Variants in SAMD12 observed in about 807,000 individuals in gnomAD.
SAMD12 encodes sterile alpha motif domain containing 12, also known as sterile alpha motif domain-containing protein 12.
Under a neutral mutation model 15.0 loss-of-function variants are expected in SAMD12, and 9 were observed. The observed-to-expected ratio is 0.60, with a 90% CI of 0.36 to 1.05. The LOEUF is 1.05. Ranked by LOEUF, SAMD12 falls within the 50% of genes least tolerant of loss-of-function variation. The pLI is 0.01. For synonymous variants in SAMD12, 86 were observed against 90.1 expected (o/e 0.96, Z 0.25); for missense variants, 230 against 234.2 (o/e 0.98, Z 0.12).
chr8:118,423,641 T>C (rs13268421), intron 3 of SAMD12, among the ~76,000 whole-genome samples: 42,378 of 151,978 alleles, frequency 0.28, 6,694 homozygotes, highest in Non-Finnish European at 0.37. Flanking sequence ...ACATATAAGA[T>C]GTTATCCCTC....
chr8:118,491,069 C>A (rs1742969972), intron 2 of SAMD12, among the ~76,000 whole-genome samples: 1 of 152,116 alleles, frequency 6.6e-6, no homozygotes, highest in African/African-American at 2.4e-5. Context: ...ATGGAATGAA[C>A]ATGACTATAC....
chr8:118,247,937 AGGAAGCTTATTGGGG>A (rs1202678060), intron 4 of SAMD12, among the ~76,000 whole-genome samples: 3 of 152,140 alleles, frequency 2.0e-5, no homozygotes, highest in African/African-American at 7.2e-5. Context: ...TACTAGAAGC[AGGAAGCTTATTGGGG>A]GTATTAATTC....
At chr8:118,539,997 T>C (rs1451755549) in intron 2 of SAMD12, among the ~76,000 whole-genome samples, 1 of 152,184 alleles carries the variant, frequency 6.6e-6, no homozygotes, top group Non-Finnish European at 1.5e-5. Context: ...TGGAGTACTA[T>C]AGGATACCAC....
intron 2 of SAMD12, among the ~76,000 whole-genome samples, chr8:118,568,753 T>C (rs766634998): frequency 6.6e-6 from 1 of 152,184 alleles, no homozygotes; most frequent in Non-Finnish European, 1.5e-5. Context: ...GGAAAGCTTA[T>C]TGACTTGGGG....
At chr8:118,597,959 T>A (rs1827764703) in intron 1 of SAMD12, among the ~76,000 whole-genome samples, 1 of 152,216 alleles carries the variant, frequency 6.6e-6, no homozygotes. Flanking sequence ...GGCAGCATGC[T>A]GTACATAATT....
intron 2 of SAMD12, among the ~76,000 whole-genome samples, chr8:118,488,031 A>G (rs1391550756): frequency 6.6e-6 from 1 of 152,338 alleles, no homozygotes; most frequent in East Asian, 1.9e-4. Context: ...GCTTACTTCC[A>G]TAAGTATGTG....
intron 4 of SAMD12, among the ~76,000 whole-genome samples, chr8:118,310,154 A>T (rs570064691): frequency 6.6e-6 from 1 of 152,308 alleles, no homozygotes; most frequent in African/African-American, 2.4e-5. Context: ...GACTCTATTC[A>T]TCCTTCAACC....
In SAMD12 at chr8:118,209,823, C is replaced by T. The variant is rs897182151; in HGVS notation, c.434-12091G>A. On this transcript the variant is annotated intron_variant, in intron 4 of 4. Transcript: ENST00000409003. ...GTAATCTTGGACCAGTCAAATAAGG[C>T]CTTTACCTTGACATACTGTATCTAG... Among the ~76,000 whole-genome samples, 11 of 152,272 alleles carry T rather than the reference C, an allele frequency of 7.2e-5. No individual in the cohort carries two copies. The South Asian group carries it at 2.1e-3, about 29-fold the overall frequency.
At chr8:118,154,748 A>G in the SAMD12 span, among the ~76,000 whole-genome samples, 1 of 152,228 alleles carries the variant, frequency 6.6e-6, no homozygotes, top group Non-Finnish European at 1.5e-5. Flanking sequence ...CATTTGTGCA[A>G]TAGAAAATTA....
the SAMD12 span, among the ~76,000 whole-genome samples, chr8:118,167,764 A>C: frequency 6.6e-6 from 1 of 152,116 alleles, no homozygotes; most frequent in Non-Finnish European, 1.5e-5. Context: ...AGATATGCTA[A>C]GTCCTAACAT....
In SAMD12 at chr8:118,378,007, C is replaced by G. The variant is rs1819472570; in HGVS notation, c.*1410G>C. ...ACTTATCCCACAATCCAGAGAGATCCTTTATTAAAATGGTTGGCATATTTA... is the reference window on the plus strand; with the variant it reads ...ACTTATCCCACAATCCAGAGAGATCGTTTATTAAAATGGTTGGCATATTTA... On this transcript the variant is annotated 3_prime_UTR_variant, in exon 4 of 4. Coordinates refer to ENST00000314727, the MANE Select transcript of SAMD12 (RefSeq NM_207506.3). 1 of 152,106 alleles carries G rather than the reference C, an allele frequency of 6.6e-6. No homozygotes were observed. Among genetic ancestry groups the G allele is most frequent in the South Asian group, 2.1e-4 (1 of 4,832 alleles). The allele number at this position is 152,106 out of a possible 1,614,324, so 9.4% of individuals were successfully genotyped here.
intron 2 of SAMD12, among the ~76,000 whole-genome samples, chr8:118,489,145 T>C (rs1012356629): frequency 3.3e-5 from 5 of 152,212 alleles, no homozygotes; most frequent in African/African-American, 9.6e-5. Flanking sequence ...ACCCCCCTTT[T>C]GTGAAGTGCC....
chr8:118,570,616 G>A (rs148293631), intron 2 of SAMD12, among the ~76,000 whole-genome samples: 1 of 152,130 alleles, frequency 6.6e-6, no homozygotes, highest in African/African-American at 2.4e-5. Flanking sequence ...CCATTGATGG[G>A]AATTTAGTTT....
At chr8:118,360,916 T>C (rs1818466709) in intron 4 of SAMD12, among the ~76,000 whole-genome samples, 1 of 152,142 alleles carries the variant, frequency 6.6e-6, no homozygotes, top group South Asian at 2.1e-4. Flanking sequence ...AGGGTTTAAA[T>C]CTCAAAATGA....
chr8:118,582,635 C>T (rs1446047997), intron 1 of SAMD12, among the ~76,000 whole-genome samples: 1 of 152,128 alleles, frequency 6.6e-6, no homozygotes, highest in Non-Finnish European at 1.5e-5. Flanking sequence ...TCATGAAAAA[C>T]TCTGAGACAT....
chr8:118,617,795 C>T (rs1393153151), intron 1 of SAMD12, among the ~76,000 whole-genome samples: 1 of 152,110 alleles, frequency 6.6e-6, no homozygotes, highest in Non-Finnish European at 1.5e-5. Flanking sequence ...AGGCGCCATC[C>T]CTGGAATACA....
intron 4 of SAMD12, among the ~76,000 whole-genome samples, chr8:118,218,697 G>C (rs1264198887): frequency 6.6e-6 from 1 of 152,136 alleles, no homozygotes; most frequent in Non-Finnish European, 1.5e-5. Context: ...GCAAATGACA[G>C]TGTCTCCTTT....
intron 4 of SAMD12, among the ~76,000 whole-genome samples, chr8:118,365,944 A>G (rs1270622443): frequency 6.6e-6 from 1 of 152,064 alleles, no homozygotes; most frequent in African/African-American, 2.4e-5. Context: ...TAATGACCCC[A>G]TTCATATCAG....
chr8:118,270,278 G>A (rs1228132608), intron 4 of SAMD12, among the ~76,000 whole-genome samples: 1 of 152,166 alleles, frequency 6.6e-6, no homozygotes, highest in Non-Finnish European at 1.5e-5. Context: ...GGGGGTGGAA[G>A]AGTAGACTAG....
Sources: gnomAD v4.1 joint callset for allele counts (sites outside exome capture counted in the v4.1 genomes callset) on GRCh38, gnomAD v4.1.1 for gene constraint, MANE v1.5 for transcripts, NCBI Gene and HGNC (gene_info 2026-07-23, HGNC 2026-07-21) for gene names.